DPP6: variants seen among roughly 807,000 people sequenced by gnomAD.
DPP6 encodes the protein dipeptidyl peptidase like 6, also known as A-type potassium channel modulatory protein DPP6.
In DPP6, 69 loss-of-function variants were observed where a neutral mutation model predicts 122.6. The observed-to-expected ratio is 0.56, with a 90% confidence interval of 0.46 to 0.69. The LOEUF is 0.69. DPP6 is among the 30% of genes least tolerant of loss of function. DPP6 has a pLI of 0.00. For synonymous variants in DPP6, 418 were observed against 433.1 expected (o/e 0.97, Z 0.43); for missense variants, 928 against 1,116.9 (o/e 0.83, Z 2.41).
At chr7:154,000,602 C>T (rs1585156734) in intron 1 of DPP6, among the ~76,000 whole-genome samples, 1 of 152,212 alleles carries the variant, frequency 6.6e-6, no homozygotes, top group African/African-American at 2.4e-5. Flanking sequence ...GTCTCTACAT[C>T]AGAAGAGCCG....
intron 7 of DPP6, among the ~76,000 whole-genome samples, chr7:154,703,397 T>C (rs71534165): frequency 0.025 from 3,880 of 152,216 alleles, 63 homozygotes; most frequent in Non-Finnish European, 0.04. Context: ...GGCAGGCAGA[T>C]TACCTGGGGT....
intron 1 of DPP6, among the ~76,000 whole-genome samples, chr7:154,380,020 T>TA (rs1227960352): frequency 6.6e-6 from 1 of 151,904 alleles, no homozygotes; most frequent in Admixed American, 6.6e-5. Flanking sequence ...AAAACAAAAT[T>TA]AAAAAACAAT....
intron 1 of DPP6, among the ~76,000 whole-genome samples, chr7:154,367,427 ACT>A (rs1812278668): frequency 6.6e-6 from 1 of 152,100 alleles, no homozygotes; most frequent in African/African-American, 2.4e-5. Context: ...TTTGCAAGTG[ACT>A]CTGACAAAAT....
At chr7:153,836,684 G>T in the DPP6 span, among the ~76,000 whole-genome samples, 1 of 152,174 alleles carries the variant, frequency 6.6e-6, no homozygotes, top group African/African-American at 2.4e-5. Context: ...TAGGTAGCCT[G>T]CCAGTACTTA....
intron 3 of DPP6, among the ~76,000 whole-genome samples, chr7:154,528,261 T>C (rs2130073028): frequency 6.6e-6 from 1 of 152,348 alleles, no homozygotes; most frequent in East Asian, 1.9e-4. Flanking sequence ...TTTTCAACTT[T>C]ATCTCCCTAT....
At chr7:154,417,343 GC>G (rs1371669602) in intron 1 of DPP6, among the ~76,000 whole-genome samples, 3 of 152,154 alleles carry the variant, frequency 2.0e-5, no homozygotes, top group Non-Finnish European at 2.9e-5. Flanking sequence ...TGGGGTGATG[GC>G]CCCCCATGCT....
intron 1 of DPP6, among the ~76,000 whole-genome samples, chr7:153,920,357 G>C (rs1397327576): frequency 2.0e-5 from 3 of 152,126 alleles, no homozygotes; most frequent in Non-Finnish European, 2.9e-5. Flanking sequence ...AAGTGCTAAA[G>C]AATCTTTTGC....
chr7:154,395,949 T>G (rs1208242790), intron 1 of DPP6, among the ~76,000 whole-genome samples: 1 of 122,274 alleles, frequency 8.2e-6, no homozygotes, highest in African/African-American at 3.3e-5. Context: ...TTCTTGAGTT[T>G]TTTTTTTTTT....
At chr7:154,675,775 C>A (rs1406668222) in intron 7 of DPP6, among the ~76,000 whole-genome samples, 2 of 152,224 alleles carry the variant, frequency 1.3e-5, no homozygotes, top group African/African-American at 4.8e-5. Flanking sequence ...CCTGCTCTGG[C>A]ACGGTCACTC....
At chr7:154,121,859 T>C (rs1292647430) in intron 1 of DPP6, among the ~76,000 whole-genome samples, 1 of 152,192 alleles carries the variant, frequency 6.6e-6, no homozygotes, top group Non-Finnish European at 1.5e-5. Flanking sequence ...AAAAATTCTT[T>C]TTTTTCTTTT....
At chr7:154,795,763 C>G (rs1210993914) in intron 11 of DPP6, 82 bp from the exon 12 acceptor site, 2 of 1,531,566 alleles carry the variant, frequency 1.3e-6, no homozygotes, top group East Asian at 2.4e-5. Context: ...CCTGCACTGT[C>G]GGTCACAGAC....
intron 5 of DPP6, among the ~76,000 whole-genome samples, chr7:154,599,286 C>A (rs1833280836): frequency 6.6e-6 from 1 of 152,070 alleles, no homozygotes; most frequent in Non-Finnish European, 1.5e-5. Context: ...CTAAGGACTG[C>A]CATTCCGTTT....
chr7:154,037,124 A>G (rs1799574426), intron 1 of DPP6, among the ~76,000 whole-genome samples: 1 of 152,212 alleles, frequency 6.6e-6, no homozygotes, highest in South Asian at 2.1e-4. Context: ...AGTGAAAGTC[A>G]TGTTAATTAT....
chr7:154,173,859 T>C (rs1797662171), intron 1 of DPP6, among the ~76,000 whole-genome samples: 1 of 152,168 alleles, frequency 6.6e-6, no homozygotes, highest in Non-Finnish European at 1.5e-5. Context: ...CCTTTGACTG[T>C]GGCTGGGCTG....
rs78678671 is a variant in DPP6, at chr7:154,656,427, G to A, written c.681-12933G>A. Among the ~76,000 whole-genome samples, 829 of 128,890 alleles carry A rather than the reference G, an allele frequency of 6.4e-3. 54 individuals carry two copies. Among genetic ancestry groups the A allele is most frequent in the East Asian group, 0.016 (58 of 3,612 alleles). The allele number at this position is 128,890 out of a possible 152,430, so 84.6% of individuals were successfully genotyped here. ...GAGGTCGGGGGAGAGCTGGGAGAAGGGGCAGTCCTGAACATCAAGACAGAG... is the reference window on the plus strand; with the variant it reads ...GAGGTCGGGGGAGAGCTGGGAGAAGAGGCAGTCCTGAACATCAAGACAGAG... On this transcript the variant is annotated intron_variant, in intron 6 of 25. Coordinates refer to ENST00000377770, the MANE Select transcript of DPP6 (RefSeq NM_130797.4).
At chr7:154,461,808 C>T (rs1821323443) in intron 2 of DPP6, among the ~76,000 whole-genome samples, 1 of 152,158 alleles carries the variant, frequency 6.6e-6, no homozygotes, top group Non-Finnish European at 1.5e-5. Flanking sequence ...TTACTCCATT[C>T]TGTGGGTTGT....
At position 154,833,062 on chromosome 7, in the gene DPP6, G is replaced by T. The variant is rs79059196; in HGVS notation, c.1667-20718G>T. On this transcript the variant is annotated intron_variant, in intron 16 of 25. Coordinates refer to ENST00000377770, the MANE Select transcript of DPP6 (RefSeq NM_130797.4). The surrounding 1 kb of genome is among the most constrained non-coding windows in gnomAD (Gnocchi z 4.3). ...CAAGTAGCCTGAAGTCTAGGAAAAT[G>T]AATCCCATTGGGAAACCAGTCAAGG... 6.8e-3 allele frequency among the ~76,000 whole-genome samples: 1,030 copies of T among 152,330 alleles called. 14 individuals are homozygous for T. Among genetic ancestry groups the T allele is most frequent in the African/African-American group, 0.024 (985 of 41,582 alleles).
At chr7:154,862,742 C>T (rs996810491) in intron 17 of DPP6, among the ~76,000 whole-genome samples, 8 of 152,338 alleles carry the variant, frequency 5.3e-5, no homozygotes, top group Admixed American at 2.0e-4. Flanking sequence ...CATCAAACAC[C>T]TGCCATGGGC....
chr7:154,500,047 A>G (rs1392878565), intron 3 of DPP6, among the ~76,000 whole-genome samples: 1 of 152,206 alleles, frequency 6.6e-6, no homozygotes, highest in Non-Finnish European at 1.5e-5. Flanking sequence ...GCATGGGCGG[A>G]CTGTCATCTA....
Sources: gnomAD v4.1 joint callset for allele counts (sites outside exome capture counted in the v4.1 genomes callset) on GRCh38, gnomAD v4.1.1 for gene constraint, Gnocchi (gnomAD v3.1) non-coding constraint, MANE v1.5 for transcripts, NCBI Gene and HGNC (gene_info 2026-07-23, HGNC 2026-07-21) for gene names.